CTBP2: variants seen among roughly 807,000 people sequenced by gnomAD.
CTBP2 encodes C-terminal-binding protein 2.
CTBP2 carries 30 observed loss-of-function variants against 80.3 expected under a neutral mutation model. The ratio of observed to expected loss-of-function variants is 0.37; its 90% CI spans 0.28 to 0.51. The LOEUF (loss-of-function observed/expected upper bound fraction) is 0.51, where lower values mean the gene tolerates loss of function less well. Among genes scored for constraint, CTBP2 ranks in the 20% least tolerant of loss-of-function variants. CTBP2 has a pLI of 0.93. For synonymous variants in CTBP2, 594 were observed against 587.4 expected (o/e 1.01, Z -0.16); for missense variants, 1,212 against 1,375.3 (o/e 0.88, Z 1.88).
At chr10:125,000,056 A>C (rs1218444370) in intron 3 of CTBP2, 1 of 152,352 alleles carries the variant, frequency 6.6e-6, no homozygotes, top group East Asian at 1.9e-4. Context: ...TGGGTGGCAC[A>C]AAAAGGCAGG....
At chr10:125,082,874 C>A (rs1264938510) in intron 2 of CTBP2, among the ~76,000 whole-genome samples, 2 of 152,184 alleles carry the variant, frequency 1.3e-5, no homozygotes, top group Non-Finnish European at 2.9e-5. Flanking sequence ...TAGGCGTGAG[C>A]CCCTGCACCC....
In CTBP2 at chr10:125,100,057, G is replaced by A. The variant is rs140731140; in HGVS notation, c.-102+10933C>T. 1.8e-4 allele frequency among the ~76,000 whole-genome samples: 27 copies of A among 152,296 alleles called. No homozygotes were observed. In the East Asian group the frequency reaches 4.4e-3, roughly 25 times the overall value. On this transcript the variant is annotated intron_variant, in intron 2 of 10. Coordinates refer to the CTBP2 transcript ENST00000337195. ...TGAAAACCTTCTCATATTGAAGAACGGGAGCTATTAACTGTGTTAACGGCA... is the reference window on the plus strand; with the variant it reads ...TGAAAACCTTCTCATATTGAAGAACAGGAGCTATTAACTGTGTTAACGGCA...
chr10:125,153,435 C>T (rs1438665339), intron 1 of CTBP2, among the ~76,000 whole-genome samples: 2 of 152,220 alleles, frequency 1.3e-5, no homozygotes, highest in African/African-American at 2.4e-5. Context: ...TTCTAGACTG[C>T]ACGAAAGACC....
At chr10:125,127,447 C>G (rs1019150729) in intron 1 of CTBP2, among the ~76,000 whole-genome samples, 5 of 152,246 alleles carry the variant, frequency 3.3e-5, no homozygotes, top group African/African-American at 1.2e-4. Context: ...ATCATCTTCT[C>G]TCAAACGCCT....
intron 1 of CTBP2, among the ~76,000 whole-genome samples, chr10:125,137,827 A>C (rs1857193215): frequency 6.6e-6 from 1 of 152,154 alleles, no homozygotes; most frequent in Non-Finnish European, 1.5e-5. Context: ...AACAAATCAA[A>C]TCACACACCA....
chr10:124,997,748 C>A (rs1016570981), intron 4 of CTBP2: 25 of 589,502 alleles, frequency 4.2e-5, no homozygotes, highest in Non-Finnish European at 7.2e-5. Flanking sequence ...GCAGTGGACA[C>A]GCATTCTTCC....
At chr10:125,058,925 C>G (rs1964461559) in intron 2 of CTBP2, among the ~76,000 whole-genome samples, 2 of 152,100 alleles carry the variant, frequency 1.3e-5, no homozygotes, top group African/African-American at 2.4e-5. Context: ...ATCAGAGAAT[C>G]AAGTCTACCA....
intron 1 of CTBP2, among the ~76,000 whole-genome samples, chr10:125,130,697 T>C (rs923915414): frequency 6.6e-6 from 1 of 152,204 alleles, no homozygotes; most frequent in Non-Finnish European, 1.5e-5. Context: ...CACTCCATTT[T>C]CATTACTGAT....
chr10:125,082,263 A>G (rs1847284336), intron 2 of CTBP2, among the ~76,000 whole-genome samples: 1 of 152,224 alleles, frequency 6.6e-6, no homozygotes, highest in Non-Finnish European at 1.5e-5. Context: ...GCCAGTGGAC[A>G]GCCTCGCCTT....
chr10:125,151,560 C>A (rs969189096), intron 1 of CTBP2, among the ~76,000 whole-genome samples: 1 of 152,240 alleles, frequency 6.6e-6, no homozygotes, highest in Non-Finnish European at 1.5e-5. Context: ...CCGCTGTTTA[C>A]CGTTTGCTTG....
rs907760044 is a variant in CTBP2 at position 125,071,661 on chromosome 10, G to C, written c.-101-32506C>G. Among the ~76,000 whole-genome samples the C allele has an allele frequency of 7.2e-5, 11 of 152,266 alleles. No homozygotes were observed. In the East Asian group the frequency reaches 2.1e-3, roughly 29 times the overall value. ...AGGTTTTGAAGAGCTTTTTTAGAAAGCAAGGCTGACTAGAGCCAGTGAAGA... is the reference window on the plus strand; with the variant it reads ...AGGTTTTGAAGAGCTTTTTTAGAAACCAAGGCTGACTAGAGCCAGTGAAGA... On this transcript the variant is annotated intron_variant, in intron 2 of 10. Transcript: ENST00000337195.
rs542061594 is a variant in CTBP2 at position 125,126,908 on chromosome 10, T to G, written c.-205-15815A>C. On this transcript the variant is annotated intron_variant, in intron 1 of 10. Transcript: ENST00000337195. ...TGTCTTGCCTGCTGCACCACACACGTGCATACACACACACATTCTCTCTCT... is the reference window on the plus strand; with the variant it reads ...TGTCTTGCCTGCTGCACCACACACGGGCATACACACACACATTCTCTCTCT... Among the ~76,000 whole-genome samples, 21 of 147,250 alleles carry G rather than the reference T, an allele frequency of 1.4e-4. No individual in the cohort carries two copies. The South Asian group carries it at 4.3e-3, about 30-fold the overall frequency.
At chr10:125,079,054 C>T (rs750871008) in intron 2 of CTBP2, among the ~76,000 whole-genome samples, 26 of 144,808 alleles carry the variant, frequency 1.8e-4, no homozygotes, top group Non-Finnish European at 2.8e-4. Context: ...GGCTAAGGAA[C>T]GAGAATTGCT....
At chr10:125,063,163 A>G (rs1221388635) in intron 2 of CTBP2, among the ~76,000 whole-genome samples, 1 of 152,358 alleles carries the variant, frequency 6.6e-6, no homozygotes, top group Non-Finnish European at 1.5e-5. Flanking sequence ...GTGGAACCAA[A>G]AACGAACAAT....
intron 1 of CTBP2, chr10:125,138,048 A>G (rs1857223984): frequency 6.6e-6 from 1 of 152,202 alleles, no homozygotes; most frequent in Admixed American, 6.5e-5. Flanking sequence ...GGAGCCAGAG[A>G]TGCTCTTCTA....
intron 1 of CTBP2, among the ~76,000 whole-genome samples, chr10:125,152,842 C>T (rs76404351): frequency 0.04 from 6,164 of 152,252 alleles, 401 homozygotes; most frequent in African/African-American, 0.13. Context: ...CTATCCAGTC[C>T]GCAGGGCAGA....
chr10:125,119,658 C>T (rs1853984030), intron 1 of CTBP2, among the ~76,000 whole-genome samples: 1 of 152,158 alleles, frequency 6.6e-6, no homozygotes, highest in Non-Finnish European at 1.5e-5. Context: ...TACGTATATG[C>T]ATAAGAGACA....
intron 1 of CTBP2, among the ~76,000 whole-genome samples, chr10:125,115,725 A>G (rs1032653091): frequency 7.2e-5 from 11 of 152,322 alleles, no homozygotes; most frequent in African/African-American, 2.6e-4. Flanking sequence ...CAAGAATCCA[A>G]TAGTCCTAAT....
chr10:125,097,333 T>G (rs1176877778), intron 2 of CTBP2, among the ~76,000 whole-genome samples: 1 of 152,244 alleles, frequency 6.6e-6, no homozygotes, highest in Non-Finnish European at 1.5e-5. Context: ...CAAATTAAAC[T>G]GCTCCTACTC....
Sources: allele counts gnomAD v4.1 joint callset (sites outside exome capture counted in the v4.1 genomes callset), GRCh38; gene constraint gnomAD v4.1.1; transcripts MANE v1.5; gene names NCBI Gene and HGNC (gene_info 2026-07-23, HGNC 2026-07-21).